The following TASP1 variants were observed in gnomAD, a reference collection of about 807,000 sequenced individuals.
The protein encoded by TASP1 is taspase 1, also known as threonine aspartase 1.
TASP1 carries 16 observed loss-of-function variants against 56.6 expected under a neutral mutation model. The observed-to-expected ratio is 0.28, with a 90% CI of 0.19 to 0.43. TASP1 has a LOEUF of 0.43. TASP1 is among the 20% of genes least tolerant of loss of function. The pLI, the probability that TASP1 is intolerant of heterozygous loss-of-function variation, is 1.00. For synonymous variants in TASP1, 179 were observed against 184.2 expected (o/e 0.97, Z 0.23); for missense variants, 393 against 511.6 (o/e 0.77, Z 2.24).
the TASP1 span, among the ~76,000 whole-genome samples, chr20:13,283,802 C>A: frequency 6.6e-6 from 1 of 152,208 alleles, no homozygotes; most frequent in Non-Finnish European, 1.5e-5. Flanking sequence ...GGTTAGGACC[C>A]AGTTGAAATT....
In TASP1 at chr20:13,421,318, G is replaced by A. The variant is rs533911838; in HGVS notation, c.1097-3797C>T. On this transcript the variant is annotated intron_variant, in intron 12 of 13. Transcript: ENST00000337743. ...TCGAACTCTTGACCTCAGGTGATCC[G>A]CCCACCTCAGCTTTTCAAAGTGCTG... 2.6e-5 allele frequency among the ~76,000 whole-genome samples: 4 copies of A among 151,736 alleles called. No individual in the cohort carries two copies. The East Asian group carries it at 5.8e-4, about 22-fold the overall frequency.
chr20:13,472,143 C>T (rs1271758620), intron 11 of TASP1, among the ~76,000 whole-genome samples: 1 of 150,772 alleles, frequency 6.6e-6, no homozygotes, highest in Non-Finnish European at 1.5e-5. Context: ...GATATACCGA[C>T]CAACGGAACA....
chr20:13,405,939 C>T (rs1290587850), intron 13 of TASP1, among the ~76,000 whole-genome samples: 1 of 152,164 alleles, frequency 6.6e-6, no homozygotes, highest in African/African-American at 2.4e-5. Flanking sequence ...GACCCTGCTG[C>T]ATCAACCAAT....
the TASP1 span, among the ~76,000 whole-genome samples, chr20:13,206,880 T>C: frequency 7.2e-3 from 1,100 of 152,276 alleles, 4 homozygotes; most frequent in Non-Finnish European, 0.011. Flanking sequence ...ACACATAGAA[T>C]TTTCAAATTT....
In TASP1 at chr20:13,588,150, C is replaced by A. The variant is rs762718774; in HGVS notation, c.283-780G>T. Among the ~76,000 whole-genome samples the A allele has an allele frequency of 3.3e-5, 5 of 151,752 alleles. No homozygotes were observed. The South Asian group carries it at 8.3e-4, about 25-fold the overall frequency. ...AAGACTGGATGCCTTCCCCTAAGAT[C>A]AGGAACAAGACAAGGATATCCACTC... On this transcript the variant is annotated intron_variant, in intron 4 of 13. Coordinates refer to ENST00000337743, the MANE Select transcript of TASP1 (RefSeq NM_017714.3).
chr20:13,179,401 A>ATATGCGTG, the TASP1 span, among the ~76,000 whole-genome samples: 4 of 108,236 alleles, frequency 3.7e-5, no homozygotes, highest in African/African-American at 1.5e-4. Context: ...AAGTAGAATT[A>ATATGCGTG]TGTGCGTGTG....
At chr20:13,252,032 A>G in the TASP1 span, among the ~76,000 whole-genome samples, 2 of 152,224 alleles carry the variant, frequency 1.3e-5, no homozygotes, top group Non-Finnish European at 2.9e-5. Context: ...TCTGGTTGCT[A>G]CATGAGCTTT....
At chr20:13,374,867 T>C in the TASP1 span, among the ~76,000 whole-genome samples, 1 of 152,228 alleles carries the variant, frequency 6.6e-6, no homozygotes, top group Non-Finnish European at 1.5e-5. Flanking sequence ...ATGCACCTGC[T>C]CACCCTGGAA....
At chr20:13,423,679 T>C (rs1468411342) in intron 12 of TASP1, among the ~76,000 whole-genome samples, 1 of 152,214 alleles carries the variant, frequency 6.6e-6, no homozygotes, top group Non-Finnish European at 1.5e-5. Context: ...GTTCCTCCTG[T>C]AGAGGGAACT....
chr20:13,582,286 T>C (rs1486990351), intron 5 of TASP1, among the ~76,000 whole-genome samples: 1 of 152,006 alleles, frequency 6.6e-6, no homozygotes, highest in African/African-American at 2.4e-5. Context: ...TTTATAACTT[T>C]ATATTGTTTA....
chr20:13,429,233 T>C (rs1374925177), intron 12 of TASP1, among the ~76,000 whole-genome samples: 2 of 152,174 alleles, frequency 1.3e-5, no homozygotes, highest in Non-Finnish European at 2.9e-5. Context: ...AAAGAGCAAA[T>C]TACCTGGGGT....
intron 4 of TASP1, chr20:13,616,846 G>A (rs957343376): frequency 3.3e-6 from 1 of 303,786 alleles, no homozygotes; most frequent in African/African-American, 2.3e-5. Flanking sequence ...TTTAAAAAGA[G>A]TGTAACTTAC....
the TASP1 span, among the ~76,000 whole-genome samples, chr20:13,108,637 T>TA: frequency 6.6e-6 from 1 of 151,750 alleles, no homozygotes; most frequent in East Asian, 1.9e-4. Context: ...TGCAGTGGTG[T>TA]GATCTCGGCT....
intron 4 of TASP1, among the ~76,000 whole-genome samples, chr20:13,605,770 G>A (rs1051451649): frequency 7.2e-5 from 11 of 152,080 alleles, no homozygotes; most frequent in African/African-American, 2.4e-4. Context: ...CTCATTTTGC[G>A]TAATTAATAA....
the TASP1 span, among the ~76,000 whole-genome samples, chr20:13,340,386 G>A: frequency 2.6e-5 from 4 of 152,100 alleles, no homozygotes; most frequent in African/African-American, 9.6e-5. Context: ...TTATTTCAAC[G>A]ACTACTGATT....
At chr20:13,163,261 G>T in the TASP1 span, among the ~76,000 whole-genome samples, 1 of 149,686 alleles carries the variant, frequency 6.7e-6, no homozygotes, top group African/African-American at 2.5e-5. Flanking sequence ...CCAGCTACTC[G>T]AACTGCTGAG....
intron 12 of TASP1, among the ~76,000 whole-genome samples, chr20:13,420,968 C>T (rs2042412466): frequency 6.6e-6 from 1 of 152,106 alleles, no homozygotes; most frequent in Admixed American, 6.5e-5. Flanking sequence ...AAACATCAAA[C>T]ACAAACACCA....
intron 12 of TASP1, among the ~76,000 whole-genome samples, chr20:13,429,113 C>A (rs1023675152): frequency 6.6e-6 from 1 of 152,140 alleles, no homozygotes; most frequent in East Asian, 1.9e-4. Context: ...TCTCAAATAA[C>A]TGAGTTCAGA....
At chr20:13,445,966 C>A (rs147755498) in intron 11 of TASP1, among the ~76,000 whole-genome samples, 1 of 152,234 alleles carries the variant, frequency 6.6e-6, no homozygotes, top group Non-Finnish European at 1.5e-5. Flanking sequence ...ATTTAAGAAT[C>A]AGTTCTGTAC....
Sources: gnomAD v4.1 joint callset for allele counts (sites outside exome capture counted in the v4.1 genomes callset) on GRCh38, gnomAD v4.1.1 for gene constraint, MANE v1.5 for transcripts, NCBI Gene and HGNC (gene_info 2026-07-23, HGNC 2026-07-21) for gene names.